Variants in AK9 observed in about 807,000 individuals in gnomAD.
AK9 encodes the protein adenylate kinase domain containing 1.
AK9 carries 191 observed loss-of-function variants against 239.6 expected under a neutral mutation model. That is an observed-to-expected ratio of 0.80 (90% CI 0.71 to 0.90). AK9 has a LOEUF of 0.90. Ranked by LOEUF, AK9 falls within the 40% of genes least tolerant of loss-of-function variation. AK9 has a pLI of 0.00. For missense variants in AK9, 1,995 were observed against 2,214.7 expected, an observed-to-expected ratio of 0.90 and a Z score of 1.99; for synonymous variants, 689 against 721.0, an observed-to-expected ratio of 0.96 and a Z score of 0.71.
rs543890287 is a variant in AK9 at position 109,562,887 on chromosome 6, G to A, written c.2751+710C>T. Among the ~76,000 whole-genome samples the A allele has an allele frequency of 2.0e-5, 3 of 152,248 alleles. No individual in the cohort carries two copies. The South Asian group carries it at 6.2e-4, about 32-fold the overall frequency. On this transcript the variant is annotated intron_variant, in intron 24 of 40. Transcript: ENST00000424296. Reference sequence around the variant, plus strand: ...AGTGGGACACAGAAGAACAACAGCAGACATGGCAGAGGATGGATGATGAAA... The same window carrying A: ...AGTGGGACACAGAAGAACAACAGCAAACATGGCAGAGGATGGATGATGAAA...
chr6:109,514,118 CT>C, intron 32 of AK9, 105 bp downstream of exon 32: 1 of 1,094,554 alleles, frequency 9.1e-7, no homozygotes, highest in Non-Finnish European at 1.3e-6. Flanking sequence ...GATTAAATGT[CT>C]TTTTCTGCTG....
At chr6:109,586,551 G>A (rs1474687977) in intron 17 of AK9, among the ~76,000 whole-genome samples, 1 of 152,184 alleles carries the variant, frequency 6.6e-6, no homozygotes, top group Non-Finnish European at 1.5e-5. Flanking sequence ...TTTCTAACAT[G>A]CTTCCAGGTG....
intron 12 of AK9, among the ~76,000 whole-genome samples, chr6:109,624,724 G>A (rs571405923): frequency 5.3e-5 from 8 of 152,246 alleles, no homozygotes; most frequent in Admixed American, 2.0e-4. Flanking sequence ...GGAATTTACT[G>A]TGTCATTTCT....
chr6:109,528,515 C>T (rs2128129826), intron 29 of AK9: 1 of 456,120 alleles, frequency 2.2e-6, no homozygotes, highest in Non-Finnish European at 4.4e-6. Flanking sequence ...TTTTCTCAGT[C>T]CAATGGTTTT....
rs1562568333 is a variant in AK9 at position 109,659,212 on chromosome 6, C to A, written c.630+16G>T. 2.6e-6 allele frequency: 4 copies of A among 1,560,838 alleles called. No individual in the cohort carries two copies. The highest frequency in any genetic ancestry group is 2.6e-6 in the Non-Finnish European group (3 of 1,161,408). On this transcript the variant is annotated intron_variant, in intron 7 of 40. Coordinates refer to ENST00000424296, the MANE Select transcript of AK9 (RefSeq NM_001145128.3). ...TAAAAAGTGTAGTGTATGGTAGTTA[C>A]CTATTGAGATATTACCTCTTCTTCT...
In AK9 at chr6:109,494,191, TCA is replaced by T. The variant is rs1222945867; in HGVS notation, c.5419-98_5419-97del. ...AACAGGCAAATATTATTTCTTTGCC[TCA>T]AATAGCCCCCTGGAGTGGGGATGGG... On this transcript the variant is annotated intron_variant, in intron 39 of 40. Coordinates refer to ENST00000424296, the MANE Select transcript of AK9 (RefSeq NM_001145128.3). The T allele has an allele frequency of 1.1e-5, 9 of 810,556 alleles. No individual in the cohort carries two copies. The African/African-American group carries it at 1.5e-4, about 14-fold the overall frequency. 50.2% of individuals were successfully genotyped at this position (810,556 alleles called of 1,614,324 possible). A position where few individuals can be genotyped will look rare whatever the true frequency, so the allele number is the denominator to read the frequency against.
chr6:109,647,816 C>T (rs1428041916), intron 8 of AK9, among the ~76,000 whole-genome samples: 2 of 142,390 alleles, frequency 1.4e-5, no homozygotes, highest in Non-Finnish European at 3.1e-5. Context: ...ACACCTACTC[C>T]AAAACTGACC....
intron 35 of AK9, among the ~76,000 whole-genome samples, chr6:109,500,094 G>A (rs973489577): frequency 2.8e-5 from 4 of 142,868 alleles, no homozygotes; most frequent in Non-Finnish European, 6.1e-5. Flanking sequence ...GTGTATACCC[G>A]CACATTTATA....
chr6:109,688,735 T>A (rs1773871455), intron 1 of AK9, among the ~76,000 whole-genome samples: 1 of 152,172 alleles, frequency 6.6e-6, no homozygotes, highest in Non-Finnish European at 1.5e-5. Context: ...GGGGACCCAG[T>A]AAAGGTTTCA....
chr6:109,647,653 C>A (rs1365593925), intron 8 of AK9, among the ~76,000 whole-genome samples: 3 of 152,086 alleles, frequency 2.0e-5, no homozygotes, highest in Non-Finnish European at 4.4e-5. Flanking sequence ...GACTTTAACA[C>A]CCCACTGTCA....
rs1562357990 is a variant in AK9 at position 109,529,034 on chromosome 6, CTAATA to C, written c.3605_3609del (p.Ile1202ArgfsTer4). ...ACCTCCCTCCTTTTTTTATCTCTCT[CTAATA>C]TAAGTTCAGCCCTTCTTTTAGCAAT... On this transcript the variant is annotated frameshift_variant, in exon 29 of 41. Transcript: ENST00000424296. LOFTEE classifies it high-confidence loss of function. 4 of 1,594,910 alleles carry C rather than the reference CTAATA, an allele frequency of 2.5e-6. No homozygotes were observed. Among genetic ancestry groups the C allele is most frequent in the Admixed American group, 1.8e-5 (1 of 54,516 alleles).
At chr6:109,639,983 C>A (rs1293762676) in intron 10 of AK9, among the ~76,000 whole-genome samples, 2 of 152,172 alleles carry the variant, frequency 1.3e-5, no homozygotes, top group Non-Finnish European at 2.9e-5. Context: ...ATTTCTGAGG[C>A]CTTTGTTCTG....
At chr6:109,622,097 GTATA>G (rs1468736813) in intron 12 of AK9, among the ~76,000 whole-genome samples, 1 of 143,564 alleles carries the variant, frequency 7.0e-6, no homozygotes, top group Non-Finnish European at 1.5e-5. Flanking sequence ...ATTATATATT[GTATA>G]TATTTTATAC....
At chr6:109,643,835 G>A (rs1436809172) in intron 9 of AK9, among the ~76,000 whole-genome samples, 1 of 152,078 alleles carries the variant, frequency 6.6e-6, no homozygotes, top group Non-Finnish European at 1.5e-5. Context: ...TCTTCCCTCA[G>A]CATGGAACAC....
intron 25 of AK9, among the ~76,000 whole-genome samples, chr6:109,546,727 T>G (rs1285216263): frequency 6.6e-6 from 1 of 152,082 alleles, no homozygotes; most frequent in Non-Finnish European, 1.5e-5. Flanking sequence ...GGCTGGAGTT[T>G]TTGCAAGGGG....
intron 5 of AK9, among the ~76,000 whole-genome samples, chr6:109,664,882 A>T (rs577788673): frequency 1.3e-5 from 2 of 152,122 alleles, no homozygotes; most frequent in East Asian, 3.9e-4. Flanking sequence ...AAAAAAAAAA[A>T]TACAAAAATT....
intron 21 of AK9, among the ~76,000 whole-genome samples, chr6:109,572,117 G>A (rs1029403048): frequency 3.9e-5 from 6 of 152,162 alleles, no homozygotes; most frequent in African/African-American, 1.4e-4. Flanking sequence ...TCTCAGTTAA[G>A]CATTTAAGAA....
At chr6:109,497,362 A>ACACTCTCT (rs1554230922) in intron 38 of AK9, 103 bp downstream of exon 38, 124 of 500,398 alleles carry the variant, frequency 2.5e-4, no homozygotes, top group African/African-American at 8.9e-4. Flanking sequence ...ACACACACAC[A>ACACTCTCT]CTCTCTCTCT....
intron 27 of AK9, among the ~76,000 whole-genome samples, chr6:109,535,719 T>C (rs1339336060): frequency 6.6e-6 from 1 of 152,336 alleles, no homozygotes; most frequent in South Asian, 2.1e-4. Context: ...GGTTTCCTTC[T>C]AGGGTTTTTA....
Sources: allele counts gnomAD v4.1 joint callset (sites outside exome capture counted in the v4.1 genomes callset), GRCh38; gene constraint gnomAD v4.1.1; transcripts MANE v1.5; gene names NCBI Gene and HGNC (gene_info 2026-07-23, HGNC 2026-07-21).